The following ZNF559 variants were observed in gnomAD, a reference collection of about 807,000 sequenced individuals.
The protein encoded by ZNF559 is zinc finger protein 559.
In ZNF559, 17 loss-of-function variants were observed where a neutral mutation model predicts 14.2. That is an observed-to-expected ratio of 1.20 (90% CI 0.82 to 1.80). ZNF559 has a LOEUF of 1.80. Among genes scored for constraint, ZNF559 ranks in the 40% most tolerant of loss-of-function variants. ZNF559 has a pLI of 0.00. For synonymous variants in ZNF559, 244 were observed against 212.4 expected (o/e 1.15, Z -1.29); for missense variants, 740 against 629.7 (o/e 1.18, Z -1.88).
chr19:9,334,811 C>T (rs2067137950), intron 2 of ZNF559, among the ~76,000 whole-genome samples: 1 of 151,772 alleles, frequency 6.6e-6, no homozygotes, highest in South Asian at 2.1e-4. Context: ...ATGAGTAAAC[C>T]CAAGAGATAG....
rs2067665339 is a variant in ZNF559 at position 9,343,477 on chromosome 19, G to A, written c.*409G>A. On this transcript the variant is annotated 3_prime_UTR_variant, in exon 7 of 7. Coordinates refer to ENST00000603380, the MANE Select transcript of ZNF559 (RefSeq NM_032497.3). ...ATAAATGCACGTCCTCTGGCTGTAA[G>A]GAATGTGTTGAAACCTTTCACTCTG... The A allele has an allele frequency of 9.7e-7, 1 of 1,029,270 alleles. No homozygotes were observed. The highest frequency in any genetic ancestry group is 1.2e-6 in the Non-Finnish European group (1 of 855,570). 63.8% of individuals were successfully genotyped at this position (1,029,270 alleles called of 1,614,324 possible). A position where few individuals can be genotyped will look rare whatever the true frequency, so the allele number is the denominator to read the frequency against.
rs906138137 is a variant in ZNF559, at chr19:9,324,726, A to G, written c.-174A>G. 1 of 1,534,368 alleles carries G rather than the reference A, an allele frequency of 6.5e-7. No homozygotes were observed. Among genetic ancestry groups the G allele is most frequent in the Non-Finnish European group, 8.7e-7 (1 of 1,146,586 alleles). On this transcript the variant is annotated 5_prime_UTR_variant, in exon 2 of 7. Transcript: ENST00000603380. Reference sequence around the variant, plus strand: ...CATCTCTGCCTTCCTGTTCACGGTGACCTTCGCTTGGTGTCCTCCTGGCCT... The same window carrying G: ...CATCTCTGCCTTCCTGTTCACGGTGGCCTTCGCTTGGTGTCCTCCTGGCCT...
rs1485707568 is a variant in ZNF559 at position 9,342,514 on chromosome 19, T to C, written c.1063T>C (p.Cys355Arg). 2 of 1,614,034 alleles carry C rather than the reference T, an allele frequency of 1.2e-6. No individual in the cohort carries two copies. The highest frequency in any genetic ancestry group is 1.7e-5 in the Admixed American group (1 of 60,008). ...RTHTGEKPYE[C>R]KECGKAFANS... ...TCACACTGGAGAAAAGCCTTATGAATGTAAGGAATGTGGGAAAGCTTTTGC... is the reference window on the plus strand; with the variant it reads ...TCACACTGGAGAAAAGCCTTATGAACGTAAGGAATGTGGGAAAGCTTTTGC... The change falls in exon 7 of 7, where the codon TGT (cysteine) becomes CGT (arginine). Residue 355 changes from cysteine (C) to arginine (R), a missense_variant. Coordinates refer to ENST00000603380, the MANE Select transcript of ZNF559 (RefSeq NM_032497.3).
intron 1 of ZNF559, 82 bp downstream of exon 1, chr19:9,324,310 C>A: frequency 6.5e-7 from 1 of 1,535,360 alleles, no homozygotes; most frequent in South Asian, 1.2e-5. Flanking sequence ...GGGAGGTGCC[C>A]AGTGAAATGG....
intron 2 of ZNF559, among the ~76,000 whole-genome samples, chr19:9,328,044 T>C (rs188217540): frequency 4.1e-4 from 62 of 152,342 alleles, no homozygotes; most frequent in Middle Eastern, 3.4e-3. Context: ...ATATGTATTT[T>C]CTTACATCAT....
Position 9,339,175 on chromosome 19 carries a change from ATG to A in ZNF559, c.34-11_34-10del, listed in dbSNP as rs2067404380. ...GAGAACGTACTTGCCTGACGCCAGC[ATG>A]TGTGTGATGGTTTAGGACTCAGTGA... On this transcript the variant is annotated splice_polypyrimidine_tract_variant and intron_variant, in intron 4 of 6. Coordinates refer to ENST00000603380, the MANE Select transcript of ZNF559 (RefSeq NM_032497.3). 14 of 1,613,014 alleles carry A rather than the reference ATG, an allele frequency of 8.7e-6. No homozygotes were observed. Among genetic ancestry groups the A allele is most frequent in the Non-Finnish European group, 1.1e-5 (13 of 1,179,372 alleles).
chr19:9,325,008 C>T (rs1010848823), intron 2 of ZNF559, among the ~76,000 whole-genome samples: 2 of 152,202 alleles, frequency 1.3e-5, no homozygotes, highest in Non-Finnish European at 2.9e-5. Flanking sequence ...ACTCTAGCGC[C>T]CTGTAGATTC....
In ZNF559 at chr19:9,340,567, TAAAAAAAAA is replaced by T. The variant is rs34086147; in HGVS notation, c.161-519_161-511del. ...TTTCTTTTTTTTCTCTCTCTGTCTCTAAAAAAAAAAAAAAAAAAAAAAAAGAGTCTTGCT... is the reference window on the plus strand; with the variant it reads ...TTTCTTTTTTTTCTCTCTCTGTCTCTAAAAAAAAAAAAAAAGAGTCTTGCT... On this transcript the variant is annotated intron_variant, in intron 5 of 6. Transcript: ENST00000603380. Among the ~76,000 whole-genome samples, 61 of 75,786 alleles carry T rather than the reference TAAAAAAAAA, an allele frequency of 8.0e-4. 2 individuals carry two copies. Among genetic ancestry groups the T allele is most frequent in the African/African-American group, 3.4e-3 (58 of 17,022 alleles). 49.7% of individuals were successfully genotyped at this position (75,786 alleles called of 152,430 possible).
At chr19:9,335,179 G>A (rs938773594) in intron 2 of ZNF559, among the ~76,000 whole-genome samples, 3 of 151,348 alleles carry the variant, frequency 2.0e-5, no homozygotes, top group South Asian at 2.1e-4. Context: ...GGCTCACACC[G>A]GTAATCCAGC....
chr19:9,343,092 A>G lies in ZNF559; in HGVS notation c.*24A>G. The G allele has an allele frequency of 1.9e-6, 3 of 1,589,324 alleles. No homozygotes were observed. The highest frequency in any genetic ancestry group is 2.6e-6 in the Non-Finnish European group (3 of 1,169,960). On this transcript the variant is annotated 3_prime_UTR_variant, in exon 7 of 7. Transcript: ENST00000603380. ...GAATTGGGGCTGATACTTGGAAAGA[A>G]TGTGGTAAAGCCACTACTTCCTCAC...
At position 9,324,199 on chromosome 19, in the gene ZNF559, C is replaced by G. The variant is rs1221253259; in HGVS notation, c.-235C>G. ...GGCGCATGCGCATAACGGCCGCCATCTTAACAGCGCGTTCCCGTTGGCGTC... is the reference window on the plus strand; with the variant it reads ...GGCGCATGCGCATAACGGCCGCCATGTTAACAGCGCGTTCCCGTTGGCGTC... On this transcript the variant is annotated 5_prime_UTR_variant, in exon 1 of 7. It adds an upstream start codon to the 5' untranslated region. Transcript: ENST00000603380. 5 of 1,535,966 alleles carry G rather than the reference C, an allele frequency of 3.3e-6. No individual in the cohort carries two copies. The highest frequency in any genetic ancestry group is 1.7e-4 in the Middle Eastern group (1 of 6,012).
chr19:9,325,886 T>C (rs887687941), intron 2 of ZNF559, among the ~76,000 whole-genome samples: 2 of 152,154 alleles, frequency 1.3e-5, no homozygotes, highest in South Asian at 2.1e-4. Flanking sequence ...GCCATTTAAA[T>C]TGGAAGTGAA....
At chr19:9,337,659 T>C (rs1268264901) in intron 2 of ZNF559, 137 bp from the exon 3 acceptor site, 3 of 447,246 alleles carry the variant, frequency 6.7e-6, no homozygotes, top group Admixed American at 9.1e-5. Context: ...TAACAAAAAC[T>C]GCTTTGATAA....
intron 1 of ZNF559, 51 bp from the exon 2 acceptor site, chr19:9,324,644 G>GAA (rs56005842): frequency 1.1e-4 from 118 of 1,052,038 alleles, no homozygotes; most frequent in Middle Eastern, 2.4e-4. Context: ...ATCTCTAATG[G>GAA]AAAAAAAAAA....
At chr19:9,329,894 C>A (rs1254594972) in intron 2 of ZNF559, among the ~76,000 whole-genome samples, 1 of 152,174 alleles carries the variant, frequency 6.6e-6, no homozygotes, top group Non-Finnish European at 1.5e-5. Context: ...GAACTCCTAA[C>A]CTTGGCATCT....
intron 2 of ZNF559, among the ~76,000 whole-genome samples, chr19:9,332,506 G>A (rs1369898269): frequency 6.6e-6 from 1 of 152,064 alleles, no homozygotes; most frequent in Non-Finnish European, 1.5e-5. Flanking sequence ...ACTTGCCTTG[G>A]GGGGATGGTT....
At chr19:9,336,767 C>T (rs112463805) in intron 2 of ZNF559, among the ~76,000 whole-genome samples, 5 of 152,030 alleles carry the variant, frequency 3.3e-5, no homozygotes, top group African/African-American at 4.8e-5. Context: ...TGAATGAAAG[C>T]GTAAGCCAGA....
At position 9,340,189 on chromosome 19, in the gene ZNF559, C is replaced by T. The variant is rs974115589; in HGVS notation, c.160+870C>T. 6.6e-5 allele frequency among the ~76,000 whole-genome samples: 10 copies of T among 151,864 alleles called. No individual in the cohort carries two copies. In the East Asian group the frequency reaches 7.7e-4, roughly 12 times the overall value. On this transcript the variant is annotated intron_variant, in intron 5 of 6. Coordinates refer to ENST00000603380, the MANE Select transcript of ZNF559 (RefSeq NM_032497.3). ...GTGAAACAAGAAGAGTTAAAGACAG[C>T]GCAGAAAATTCTCCAAGATGAGAGA...
chr19:9,342,927 C>T lies in ZNF559; in HGVS notation c.1476C>T (p.Pro492=). 6.2e-7 allele frequency: 1 copy of T among 1,613,644 alleles called. No homozygotes were observed. Among genetic ancestry groups the T allele is most frequent in the Non-Finnish European group, 8.5e-7 (1 of 1,179,876 alleles). The change falls in exon 7 of 7, where the codon CCC becomes CCT. Residue 492 remains proline (P), a synonymous_variant. Transcript: ENST00000603380. ...TGAGAACTCACACTGGTGAACGGCCCTTTGAATGTCAGGAATGTGGGAAAG... is the reference window on the plus strand; with the variant it reads ...TGAGAACTCACACTGGTGAACGGCCTTTTGAATGTCAGGAATGTGGGAAAG... The part of the protein sequence containing the change: ...VHMRTHTGER[P]FECQECGKAF...
Sources: gnomAD v4.1 joint callset for allele counts (sites outside exome capture counted in the v4.1 genomes callset) on GRCh38, gnomAD v4.1.1 for gene constraint, MANE v1.5 for transcripts, NCBI Gene and HGNC (gene_info 2026-07-23, HGNC 2026-07-21) for gene names.